COG3: variants seen among roughly 807,000 people sequenced by gnomAD.
COG3 encodes the protein component of oligomeric golgi complex 3.
COG3 carries 32 observed loss-of-function variants against 114.1 expected under a neutral mutation model. That is an observed-to-expected ratio of 0.28 (90% CI 0.21 to 0.38). The LOEUF (loss-of-function observed/expected upper bound fraction) is 0.38. Among genes scored for constraint, COG3 ranks in the 10% least tolerant of loss-of-function variants. COG3 has a pLI of 1.00. For missense variants in COG3, 813 were observed against 973.2 expected (o/e 0.84, Z 2.19); for synonymous variants, 352 against 365.7 (o/e 0.96, Z 0.43).
At chr13:45,469,602 T>C (rs1035427031) in intron 1 of COG3, among the ~76,000 whole-genome samples, 3 of 152,200 alleles carry the variant, frequency 2.0e-5, no homozygotes, top group African/African-American at 4.8e-5. Flanking sequence ...GGAACAGATA[T>C]AGAGTTACTA....
At chr13:45,528,982 A>T (rs1235371186) in intron 20 of COG3, among the ~76,000 whole-genome samples, 1 of 152,188 alleles carries the variant, frequency 6.6e-6, no homozygotes, top group Non-Finnish European at 1.5e-5. Flanking sequence ...TTCCAAAGAG[A>T]TGAACCATCT....
intron 8 of COG3, among the ~76,000 whole-genome samples, chr13:45,488,006 A>G (rs989853497): frequency 6.6e-6 from 1 of 152,238 alleles, no homozygotes; most frequent in East Asian, 1.9e-4. Context: ...ATGGATAAAG[A>G]AAATGTGGTA....
chr13:45,482,425 A>T lies in COG3; in HGVS notation c.669A>T (p.Ile223=). ...PTLSVNSDGF[I]PMLAKLDDCI... ...TGTCGGTGAATAGTGACGGATTTAT[A>T]CCTATGCTGGCCAAGTTAGATGATT... The change falls in exon 6 of 23, where the codon ATA becomes ATT. Residue 223 remains isoleucine (I), a synonymous_variant. Transcript: ENST00000349995. 6.3e-7 allele frequency: 1 copy of T among 1,580,000 alleles called. No homozygotes were observed.
intron 22 of COG3, 94 bp from the exon 23 acceptor site, chr13:45,534,608 T>A: frequency 1.2e-6 from 1 of 818,086 alleles, no homozygotes. Flanking sequence ...GATGCTGAGG[T>A]TTTTCAACCC....
chr13:45,517,065 A>G (rs1360658761), intron 17 of COG3, among the ~76,000 whole-genome samples: 1 of 152,206 alleles, frequency 6.6e-6, no homozygotes, highest in Non-Finnish European at 1.5e-5. Flanking sequence ...GATCTTAAGC[A>G]GTTAAGGATA....
At chr13:45,483,447 G>T in intron 7 of COG3, 92 bp downstream of exon 7, 1 of 1,027,788 alleles carries the variant, frequency 9.7e-7, no homozygotes, top group Non-Finnish European at 1.3e-6. Context: ...TTAGTACTTT[G>T]TAATTCCAAA....
chr13:45,510,488 G>A (rs1025290742), intron 15 of COG3, among the ~76,000 whole-genome samples: 8 of 152,262 alleles, frequency 5.3e-5, no homozygotes, highest in African/African-American at 1.9e-4. Context: ...TGTCCATTAG[G>A]TTTATTGAAT....
At chr13:45,476,844 T>C (rs2137789645) in intron 2 of COG3, among the ~76,000 whole-genome samples, 1 of 152,362 alleles carries the variant, frequency 6.6e-6, no homozygotes, top group Admixed American at 6.5e-5. Context: ...TCTGCCACTT[T>C]CCTTGTCTCC....
rs190361011 is a variant in COG3 at position 45,476,270 on chromosome 13, G to A, written c.244G>A (p.Glu82Lys). 6.2e-5 allele frequency: 100 copies of A among 1,613,684 alleles called. No homozygotes were observed. The Admixed American group carries it at 1.6e-3, about 26-fold the overall frequency. ...CATTGAACTGACTTCAGTAGTGCCT[G>A]AATCTACAGAAGACATTCTCTTGAA... is the stretch of plus-strand genomic sequence containing the variant. ...LPIELTSVVP[E>K]STEDILLKGF... Residue 82 changes from glutamate to lysine, a missense_variant, in exon 2 of 23, where the codon GAA (glutamate) becomes AAA (lysine). By Grantham distance (56) the Glu-to-Lys change is moderately conservative. Around this residue, in one of 2 missense-constraint regions of COG3, gnomAD observed 424 missense variants for 430.6 expected, o/e 0.98. Coordinates refer to ENST00000349995, the MANE Select transcript of COG3 (RefSeq NM_031431.4).
In COG3 at chr13:45,518,979, A is replaced by G; in HGVS notation, c.2039A>G (p.Glu680Gly). 6.2e-7 allele frequency: 1 copy of G among 1,614,110 alleles called. No homozygotes were observed. ...TTTAAGGGTACTCCTGAGATAAGAG[A>G]ACATTATCTTGACTCTAAAAAAGAC... ...FLLEGTPEIR[E>G]HYLDSKKDVD... Residue 680 changes from glutamate (E) to glycine (G), a missense_variant, in exon 19 of 23, where the codon GAA becomes GGA. By Grantham distance (98) the Glu-to-Gly change is moderately conservative. Transcript: ENST00000349995.
At chr13:45,502,747 C>G (rs1156983329) in intron 13 of COG3, among the ~76,000 whole-genome samples, 1 of 151,880 alleles carries the variant, frequency 6.6e-6, no homozygotes, top group Non-Finnish European at 1.5e-5. Flanking sequence ...TACACTGTAC[C>G]CAATATGGAG....
Position 45,521,577 on chromosome 13 carries a change from G to GCA in COG3, c.2154+2507_2154+2508dup, listed in dbSNP as rs3084002. Among the ~76,000 whole-genome samples the GCA allele has an allele frequency of 8.7e-3, 1,295 of 148,434 alleles. 8 individuals carry two copies. Among genetic ancestry groups the GCA allele is most frequent in the African/African-American group, 0.013 (543 of 40,658 alleles). On this transcript the variant is annotated intron_variant, in intron 19 of 22. Coordinates refer to ENST00000349995, the MANE Select transcript of COG3 (RefSeq NM_031431.4). The stretch of plus-strand genomic sequence containing the variant: ...GAGTCAGAGACAAAGATACATACGT[G>GCA]CACACACACACACACACACACACAC...
intron 14 of COG3, among the ~76,000 whole-genome samples, chr13:45,508,747 C>T (rs1870521330): frequency 6.6e-6 from 1 of 152,072 alleles, no homozygotes; most frequent in Non-Finnish European, 1.5e-5. Flanking sequence ...ATTGTACTTC[C>T]CTTACAGAGG....
chr13:45,500,264 TATTAA>T (rs1258597488), intron 13 of COG3, among the ~76,000 whole-genome samples: 3 of 152,178 alleles, frequency 2.0e-5, no homozygotes, highest in African/African-American at 7.2e-5. Context: ...ATCTGTAAGC[TATTAA>T]ATTTTTTAAA....
intron 21 of COG3, 105 bp from the exon 22 acceptor site, chr13:45,530,577 A>T: frequency 1.4e-6 from 1 of 725,050 alleles, no homozygotes; most frequent in Non-Finnish European, 2.5e-6. Context: ...CATGAAAGAT[A>T]CATCGCTTCC....
Position 45,465,198 on chromosome 13 carries a change from G to C in COG3, c.162G>C (p.Pro54=), listed in dbSNP as rs1173139117. Residue 54 remains proline (P), a synonymous_variant, in exon 1 of 23, where the codon CCG becomes CCC. Transcript: ENST00000349995. ...LELKAAAENL[P]VPAELPIEDL... is the part of the protein sequence containing the mutation. ...TGAAGGCGGCGGCAGAGAACTTGCC[G>C]GTGCCAGCTGAGGTGAGGTGATGGG... 18 of 1,613,516 alleles carry C rather than the reference G, an allele frequency of 1.1e-5. No individual in the cohort carries two copies. Among genetic ancestry groups the C allele is most frequent in the Non-Finnish European group, 1.4e-5 (17 of 1,179,834 alleles).
At chr13:45,525,912 G>T (rs77714650) in intron 20 of COG3, among the ~76,000 whole-genome samples, 2,429 of 151,578 alleles carry the variant, frequency 0.016, 26 homozygotes, top group South Asian at 0.043. Flanking sequence ...TCCAAAAAAT[G>T]ATTCTGGCTT....
chr13:45,482,403 C>A lies in COG3; in HGVS notation c.647C>A (p.Ser216Ter). ...AAGAAATTGAATTCCCCTACATTGT[C>A]GGTGAATAGTGACGGATTTATACCT... The part of the protein sequence containing the change: ...INTKLNSPTL[S>*]VNSDGFIPML... Residue 216 changes from serine to a stop codon, truncating the protein, a stop_gained, in exon 6 of 23, where the codon TCG (serine) becomes TAG (stop). Transcript: ENST00000349995. LOFTEE classifies it high-confidence loss of function. 1 of 1,549,198 alleles carries A rather than the reference C, an allele frequency of 6.5e-7. No individual in the cohort carries two copies. Among genetic ancestry groups the A allele is most frequent in the Non-Finnish European group, 8.9e-7 (1 of 1,127,732 alleles).
Position 45,514,708 on chromosome 13 carries a change from C to G in COG3, c.1810-1435C>G, listed in dbSNP as rs187994654. Among the ~76,000 whole-genome samples the G allele has an allele frequency of 3.2e-3, 481 of 151,952 alleles. 4 individuals carry two copies. The highest frequency in any genetic ancestry group is 0.021 in the Middle Eastern group (6 of 292). On this transcript the variant is annotated intron_variant, in intron 16 of 22. Transcript: ENST00000349995. ...TGTCGCCCAGGCTGGAGTGCAGTGGCGTGATCTTGGCTCACTGCAAGCTCC... is the reference window on the plus strand; with the variant it reads ...TGTCGCCCAGGCTGGAGTGCAGTGGGGTGATCTTGGCTCACTGCAAGCTCC...
Sources: gnomAD v4.1 joint callset for allele counts (sites outside exome capture counted in the v4.1 genomes callset) on GRCh38, gnomAD v4.1.1 for gene constraint, gnomAD v4.1.1 regional missense constraint, MANE v1.5 for transcripts, NCBI Gene and HGNC (gene_info 2026-07-23, HGNC 2026-07-21) for gene names.